RHBDD1: variants seen among roughly 807,000 people sequenced by gnomAD.
The protein encoded by RHBDD1 is rhomboid-related protein 4.
In RHBDD1, 38 loss-of-function variants were observed where a neutral mutation model predicts 36.3. The observed-to-expected ratio is 1.05, with a 90% CI of 0.81 to 1.37. The LOEUF (loss-of-function observed/expected upper bound fraction) is 1.37. Ranked by LOEUF, RHBDD1 falls within the 40% of genes most tolerant of loss-of-function variation. RHBDD1 has a pLI of 0.00. For missense variants in RHBDD1, 393 were observed against 377.6 expected, an observed-to-expected ratio of 1.04 and a Z score of -0.34; for synonymous variants, 151 against 136.5, an observed-to-expected ratio of 1.11 and a Z score of -0.74.
chr2:226,838,798 G>T (rs2124928881), intron 2 of RHBDD1, among the ~76,000 whole-genome samples: 1 of 152,236 alleles, frequency 6.6e-6, no homozygotes, highest in Admixed American at 6.5e-5. Context: ...CTTGAAAAAA[G>T]TTGAAACTTT....
At position 226,865,114 on chromosome 2, in the gene RHBDD1, G is replaced by C. The variant is rs777921965; in HGVS notation, c.421G>C (p.Val141Leu). ...DEPDFKRSCA[V>L]GFSGVLFALK... ...ACCTGACTTCAAAAGGAGCTGTGCT[G>C]TAGGTTTCTCAGGTAAGGGAGACAA... is the stretch of plus-strand genomic sequence containing the variant. The change falls in exon 4 of 9, where the codon GTA (valine) becomes CTA (leucine). Residue 141 changes from valine to leucine, a missense_variant. Transcript: ENST00000392062. The C allele has an allele frequency of 3.1e-6, 5 of 1,611,050 alleles. No homozygotes were observed. Among genetic ancestry groups the C allele is most frequent in the Non-Finnish European group, 4.2e-6 (5 of 1,178,590 alleles).
At chr2:226,975,616 A>C (rs1954431386) in intron 8 of RHBDD1, among the ~76,000 whole-genome samples, 1 of 152,224 alleles carries the variant, frequency 6.6e-6, no homozygotes, top group Admixed American at 6.5e-5. Flanking sequence ...TTGGATTTAA[A>C]GATGGCGTCA....
In RHBDD1 at chr2:226,938,201, G is replaced by GT. The variant is rs1377432040; in HGVS notation, c.856+23857dup. ...TTATCTAATGATCAGTGATGTTGAGGTTTTTTTCATAGATTTTTCACCACA... is the reference window on the plus strand; with the variant it reads ...TTATCTAATGATCAGTGATGTTGAGGTTTTTTTTCATAGATTTTTCACCACA... On this transcript the variant is annotated intron_variant, in intron 8 of 8. Coordinates refer to ENST00000392062, the MANE Select transcript of RHBDD1 (RefSeq NM_001167608.3). Among the ~76,000 whole-genome samples, 7 of 151,920 alleles carry GT rather than the reference G, an allele frequency of 4.6e-5. No homozygotes were observed. In the South Asian group the frequency reaches 1.3e-3, roughly 27 times the overall value.
intron 8 of RHBDD1, among the ~76,000 whole-genome samples, chr2:226,970,910 C>A (rs2149334177): frequency 6.6e-6 from 1 of 152,268 alleles, no homozygotes; most frequent in East Asian, 1.9e-4. Flanking sequence ...CTTTTGAAAG[C>A]CCTGCCCCAC....
rs138482669 is a variant in RHBDD1 at position 226,914,317 on chromosome 2, C to G, written c.822C>G (p.Leu274=). The G allele has an allele frequency of 4.3e-6, 7 of 1,613,498 alleles. No homozygotes were observed. Among genetic ancestry groups the G allele is most frequent in the Non-Finnish European group, 5.9e-6 (7 of 1,179,738 alleles). Residue 274 remains leucine (L), a synonymous_variant, in exon 8 of 9, where the codon CTC becomes CTG. Coordinates refer to ENST00000392062, the MANE Select transcript of RHBDD1 (RefSeq NM_001167608.3). ...CAGGACTGAGTGAAGAAGAACAGCTCGAGAGAGCATTACAAGCCAGCCTCT... is the reference window on the plus strand; with the variant it reads ...CAGGACTGAGTGAAGAAGAACAGCTGGAGAGAGCATTACAAGCCAGCCTCT... ...YTAGLSEEEQ[L]ERALQASLWD...
chr2:226,902,582 A>G (rs1947686729), intron 5 of RHBDD1, among the ~76,000 whole-genome samples: 1 of 152,206 alleles, frequency 6.6e-6, no homozygotes, highest in Admixed American at 6.5e-5. Flanking sequence ...TTCCTTTTAC[A>G]TTGGTGAAAT....
chr2:226,903,159 G>A (rs1018838067), intron 5 of RHBDD1, among the ~76,000 whole-genome samples: 1 of 152,032 alleles, frequency 6.6e-6, no homozygotes, highest in African/African-American at 2.4e-5. Flanking sequence ...TTAATAGGTG[G>A]CCGATTGTAC....
chr2:226,854,030 A>AT (rs1271949851), intron 3 of RHBDD1, among the ~76,000 whole-genome samples: 1 of 152,208 alleles, frequency 6.6e-6, no homozygotes, highest in Non-Finnish European at 1.5e-5. Flanking sequence ...ATTGTATGTA[A>AT]TTACTTTTAA....
At chr2:226,958,229 A>G (rs1480877744) in intron 8 of RHBDD1, among the ~76,000 whole-genome samples, 1 of 152,238 alleles carries the variant, frequency 6.6e-6, no homozygotes, top group African/African-American at 2.4e-5. Context: ...TACAGGCTAC[A>G]ATGTGGATGA....
At chr2:226,917,825 G>C (rs1049658632) in intron 8 of RHBDD1, among the ~76,000 whole-genome samples, 1 of 151,838 alleles carries the variant, frequency 6.6e-6, no homozygotes, top group South Asian at 2.1e-4. Context: ...AAACAGAGTG[G>C]CCTTGGTTAG....
chr2:226,877,163 C>A (rs1945306863), intron 5 of RHBDD1, among the ~76,000 whole-genome samples: 1 of 152,122 alleles, frequency 6.6e-6, no homozygotes, highest in African/African-American at 2.4e-5. Flanking sequence ...CAAGGTGGAA[C>A]CTGAAACCAT....
chr2:226,959,818 GTTGT>G (rs1300966523), intron 8 of RHBDD1, among the ~76,000 whole-genome samples: 6 of 151,732 alleles, frequency 4.0e-5, no homozygotes, highest in Non-Finnish European at 8.8e-5. Flanking sequence ...CTTTTTTTTT[GTTGT>G]TTGTTTATTT....
chr2:226,869,089 A>G, intron 5 of RHBDD1: 6 of 700,386 alleles, frequency 8.6e-6, no homozygotes, highest in Non-Finnish European at 1.1e-5. Context: ...CAGTGCGTTT[A>G]ATATTCTTAT....
At chr2:226,958,440 G>C (rs1396380123) in intron 8 of RHBDD1, among the ~76,000 whole-genome samples, 2 of 152,112 alleles carry the variant, frequency 1.3e-5, no homozygotes, top group Non-Finnish European at 1.5e-5. Context: ...CTGTTTGGGG[G>C]TGATAAAGAT....
At chr2:226,936,285 A>G (rs566737434) in intron 8 of RHBDD1, among the ~76,000 whole-genome samples, 1 of 152,270 alleles carries the variant, frequency 6.6e-6, no homozygotes, top group South Asian at 2.1e-4. Flanking sequence ...TTGTGGTTAT[A>G]TCTACATTTA....
rs546955340 is a variant in RHBDD1 at position 226,853,353 on chromosome 2, A to G, written c.-90-11251A>G. On this transcript the variant is annotated intron_variant, in intron 3 of 8. Transcript: ENST00000392062. ...AGATCACAGCCTAGAATTTTAGAAG[A>G]TTTTTATTTAACTACTTATAGCCAT... Among the ~76,000 whole-genome samples the G allele has an allele frequency of 3.3e-5, 5 of 152,280 alleles. No individual in the cohort carries two copies. In the East Asian group the frequency reaches 9.6e-4, roughly 29 times the overall value.
In RHBDD1 at chr2:226,914,235, C is replaced by T. The variant is rs143313030; in HGVS notation, c.740C>T (p.Pro247Leu). Reference sequence around the variant, plus strand: ...AGCTCTGGATATCAGGATTATTATCCGCATGGCAGGCCAGATCACTATGAA... The same window carrying T: ...AGCTCTGGATATCAGGATTATTATCTGCATGGCAGGCCAGATCACTATGAA... ...SGSSGYQDYY[P>L]HGRPDHYEEA... is the part of the protein sequence containing the mutation. Residue 247 changes from proline to leucine, a missense_variant, in exon 8 of 9, where the codon CCG becomes CTG. Coordinates refer to ENST00000392062, the MANE Select transcript of RHBDD1 (RefSeq NM_001167608.3). 32 of 1,613,548 alleles carry T rather than the reference C, an allele frequency of 2.0e-5. No homozygotes were observed. The highest frequency in any genetic ancestry group is 1.6e-4 in the Middle Eastern group (1 of 6,080).
chr2:226,969,688 A>G (rs1316897445), intron 8 of RHBDD1, among the ~76,000 whole-genome samples: 9 of 152,182 alleles, frequency 5.9e-5, no homozygotes, highest in Admixed American at 4.6e-4. Context: ...TTAAAGCCAT[A>G]TGCATTTTGA....
intron 8 of RHBDD1, among the ~76,000 whole-genome samples, chr2:226,982,687 C>T (rs1956041585): frequency 6.6e-6 from 1 of 152,154 alleles, no homozygotes; most frequent in Non-Finnish European, 1.5e-5. Flanking sequence ...ATTTGTGTCT[C>T]GGGATTTGAG....
Sources: allele counts gnomAD v4.1 joint callset (sites outside exome capture counted in the v4.1 genomes callset), GRCh38; gene constraint gnomAD v4.1.1; transcripts MANE v1.5; gene names NCBI Gene and HGNC (gene_info 2026-07-23, HGNC 2026-07-21).